The following DEPDC5 variants were observed in gnomAD, a reference collection of about 807,000 sequenced individuals.
DEPDC5 encodes the protein DEP domain containing 5, GATOR1 subcomplex subunit.
Under a neutral mutation model 217.3 loss-of-function variants are expected in DEPDC5, and 73 were observed. That is an observed-to-expected ratio of 0.34 (90% CI 0.28 to 0.41). The LOEUF (loss-of-function observed/expected upper bound fraction) is 0.41, where lower values mean the gene tolerates loss of function less well. Ranked by LOEUF, DEPDC5 falls within the 10% of genes least tolerant of loss-of-function variation. The probability of loss-of-function intolerance (pLI) is 1.00; values close to 1 mark genes in which losing one functional copy is unlikely to be tolerated. For synonymous variants in DEPDC5, 733 were observed against 756.7 expected (o/e 0.97, Z 0.51); for missense variants, 1,675 against 2,070.1 (o/e 0.81, Z 3.70).
chr22:31,806,215 C>T (rs368606672), intron 18 of DEPDC5, 24 bp downstream of exon 18: 83 of 1,602,018 alleles, frequency 5.2e-5, no homozygotes, highest in African/African-American at 5.0e-4. Flanking sequence ...TTTGTTAAGA[C>T]GGGGTCTTAT....
chr22:31,774,359 C>A (rs1328634614), intron 7 of DEPDC5, among the ~76,000 whole-genome samples: 1 of 151,762 alleles, frequency 6.6e-6, no homozygotes, highest in African/African-American at 2.4e-5. Context: ...GCCACCATGC[C>A]TGGCTAATTT....
rs1399971623 is a variant in DEPDC5 at position 31,843,136 on chromosome 22, T to G, written c.2557T>G (p.Trp853Gly). Residue 853 changes from tryptophan (W) to glycine (G), a missense_variant, in exon 28 of 43, where the codon TGG (tryptophan) becomes GGG (glycine). Trp to Gly is a radical substitution (Grantham distance 184). Around this residue, in one of 11 missense-constraint regions of DEPDC5, gnomAD observed 293 missense variants for 386.1 expected, o/e 0.76. Transcript: ENST00000651528. ...RNRPEEEDQY[W>G]LSMGRTFHKV... is the part of the protein sequence containing the mutation. ...CCGCCCTGAGGAGGAGGACCAGTAT[T>G]GGCTGAGTATGGGCAGAACGTTCCA... 6.2e-7 allele frequency: 1 copy of G among 1,614,114 alleles called. No individual in the cohort carries two copies. The highest frequency in any genetic ancestry group is 1.7e-5 in the Admixed American group (1 of 60,020).
chr22:31,888,223 G>T (rs1248004450), intron 38 of DEPDC5, among the ~76,000 whole-genome samples: 1 of 142,570 alleles, frequency 7.0e-6, no homozygotes, highest in African/African-American at 2.6e-5. Context: ...TTCCTTCTCA[G>T]CCTTGTTTTG....
chr22:31,798,103 G>A (rs1414944419), intron 13 of DEPDC5, among the ~76,000 whole-genome samples: 2 of 151,590 alleles, frequency 1.3e-5, no homozygotes, highest in African/African-American at 2.4e-5. Flanking sequence ...TCATTTTTTT[G>A]TAGAGACAAG....
At chr22:31,831,861 A>G (rs1183605305) in intron 24 of DEPDC5, among the ~76,000 whole-genome samples, 2 of 151,772 alleles carry the variant, frequency 1.3e-5, no homozygotes, top group African/African-American at 4.8e-5. Flanking sequence ...TATACCCACA[A>G]ACAAACACAT....
At chr22:31,850,972 G>A (rs2091991834) in intron 31 of DEPDC5, among the ~76,000 whole-genome samples, 1 of 151,960 alleles carries the variant, frequency 6.6e-6, no homozygotes, top group South Asian at 2.1e-4. Flanking sequence ...GGAGGCTGAG[G>A]CAGGAGAATT....
chr22:31,821,654 G>C lies in DEPDC5; in HGVS notation c.2006+17G>C, dbSNP rs1033799246. 1 of 1,606,116 alleles carries C rather than the reference G, an allele frequency of 6.2e-7. No individual in the cohort carries two copies. The highest frequency in any genetic ancestry group is 1.7e-5 in the Admixed American group (1 of 59,918). ...TGCTGGAAGGTGAGGATGTGCACAG[G>C]GCTCTGGAAGGTAACCTGAGAACAC... On this transcript the variant is annotated intron_variant, in intron 23 of 42. Transcript: ENST00000651528.
chr22:31,832,481 T>C (rs997565651), intron 24 of DEPDC5, among the ~76,000 whole-genome samples: 4 of 148,920 alleles, frequency 2.7e-5, no homozygotes, highest in Non-Finnish European at 5.9e-5. Flanking sequence ...GGTATCTTAC[T>C]GCACTTTTTT....
rs139987074 is a variant in DEPDC5, at chr22:31,852,489, C to T, written c.3156-4956C>T. On this transcript the variant is annotated intron_variant, in intron 31 of 42. Coordinates refer to ENST00000651528, the MANE Select transcript of DEPDC5 (RefSeq NM_001242896.3). ...CCGAGAAGCTGGGATTACAGGCATG[C>T]GCCACCACCCCAGCTAATTTTGTAT... Among the ~76,000 whole-genome samples, 1,097 of 152,096 alleles carry T rather than the reference C, an allele frequency of 7.2e-3. 8 individuals are homozygous for T. The highest frequency in any genetic ancestry group is 0.023 in the African/African-American group (970 of 41,492).
At chr22:31,855,102 C>T (rs1325526616) in intron 31 of DEPDC5, among the ~76,000 whole-genome samples, 2 of 151,642 alleles carry the variant, frequency 1.3e-5, no homozygotes, top group Non-Finnish European at 2.9e-5. Flanking sequence ...GTAGCTGGGA[C>T]TACAGACGTG....
intron 3 of DEPDC5, among the ~76,000 whole-genome samples, chr22:31,760,051 G>A (rs182748181): frequency 0.014 from 2,055 of 148,384 alleles, 16 homozygotes; most frequent in Middle Eastern, 0.032. Flanking sequence ...CCTTTAGTGC[G>A]TATGGAGTTT....
At chr22:31,792,605 C>CAAAA (rs61603320) in intron 11 of DEPDC5, 140 bp from the exon 12 acceptor site, 108 of 154,132 alleles carry the variant, frequency 7.0e-4, no homozygotes, top group Middle Eastern at 4.1e-3. Flanking sequence ...GACCTTGTCT[C>CAAAA]AAAAAAAAAA....
intron 37 of DEPDC5, 37 bp downstream of exon 37, chr22:31,876,302 A>T (rs769846557): frequency 6.4e-7 from 1 of 1,558,596 alleles, no homozygotes; most frequent in South Asian, 1.1e-5. Context: ...CCACAGGGGC[A>T]AGTGTTTTTC....
At chr22:31,809,791 C>G in intron 19 of DEPDC5, 144 bp downstream of exon 19, 1 of 746,548 alleles carries the variant, frequency 1.3e-6, no homozygotes, top group Non-Finnish European at 2.2e-6. Context: ...ACCAGCCTTG[C>G]CAACATGGTG....
At chr22:31,905,532 G>A (rs756082803) in intron 41 of DEPDC5, among the ~76,000 whole-genome samples, 10 of 151,932 alleles carry the variant, frequency 6.6e-5, no homozygotes, top group Non-Finnish European at 1.2e-4. Context: ...TCGAGTATGC[G>A]GGTGGGTATG....
At chr22:31,838,944 C>T (rs1034469495) in intron 27 of DEPDC5, 99 bp downstream of exon 27, 25 of 1,291,154 alleles carry the variant, frequency 1.9e-5, no homozygotes, top group South Asian at 1.5e-4. Flanking sequence ...TAGTAGTAAT[C>T]GTTTTCGACA....
At chr22:31,826,697 G>T (rs1229270650) in intron 24 of DEPDC5, among the ~76,000 whole-genome samples, 1 of 152,096 alleles carries the variant, frequency 6.6e-6, no homozygotes, top group African/African-American at 2.4e-5. Context: ...GGCATGTTGT[G>T]ATCTCACTGC....
chr22:31,773,311 C>T (rs1417226474), intron 7 of DEPDC5, among the ~76,000 whole-genome samples: 1 of 152,206 alleles, frequency 6.6e-6, no homozygotes. Flanking sequence ...CCTCAGCCTC[C>T]TGAGTAGCTA....
chr22:31,770,579 A>G (rs919910942), intron 7 of DEPDC5, among the ~76,000 whole-genome samples: 2 of 141,208 alleles, frequency 1.4e-5, no homozygotes, highest in Non-Finnish European at 3.1e-5. Flanking sequence ...TTTTTAGTAG[A>G]GACGGAGTTT....
Sources: allele counts gnomAD v4.1 joint callset (sites outside exome capture counted in the v4.1 genomes callset), GRCh38; gene constraint gnomAD v4.1.1; regional missense constraint gnomAD v4.1.1; transcripts MANE v1.5; gene names NCBI Gene and HGNC (gene_info 2026-07-23, HGNC 2026-07-21).